NRDE2: variants seen among roughly 807,000 people sequenced by gnomAD.
NRDE2 encodes nuclear exosome regulator NRDE2.
NRDE2 carries 76 observed loss-of-function variants against 124.2 expected under a neutral mutation model. The observed-to-expected ratio is 0.61, with a 90% CI of 0.51 to 0.74. The LOEUF (loss-of-function observed/expected upper bound fraction) is 0.74, where lower values mean the gene tolerates loss of function less well. Ranked by LOEUF, NRDE2 falls within the 30% of genes least tolerant of loss-of-function variation. The pLI is 0.00. For synonymous variants in NRDE2, 489 were observed against 528.1 expected (o/e 0.93, Z 1.01); for missense variants, 1,314 against 1,417.3 (o/e 0.93, Z 1.17).
intron 8 of NRDE2, among the ~76,000 whole-genome samples, chr14:90,297,940 CAAAAA>C (rs58242184): frequency 4.1e-5 from 4 of 96,544 alleles, no homozygotes; most frequent in Admixed American, 1.0e-4. Flanking sequence ...GATTCTGTCT[CAAAAA>C]AAAAAAAAAA....
At chr14:90,287,123 A>G (rs1036058397) in intron 11 of NRDE2, among the ~76,000 whole-genome samples, 1 of 151,854 alleles carries the variant, frequency 6.6e-6, no homozygotes, top group Non-Finnish European at 1.5e-5. Context: ...GGAAGAAAAG[A>G]CCTTTTGATT....
At chr14:90,279,026 C>T (rs186024035) in intron 13 of NRDE2, 36 bp downstream of exon 13, 72 of 1,511,930 alleles carry the variant, frequency 4.8e-5, no homozygotes, top group Middle Eastern at 1.7e-4. Context: ...GGGAAGTTTT[C>T]GGGAAGCTGA....
chr14:90,313,801 G>T (rs994710580), intron 3 of NRDE2, among the ~76,000 whole-genome samples: 26 of 152,188 alleles, frequency 1.7e-4, no homozygotes, highest in African/African-American at 6.3e-4. Flanking sequence ...TCTTGGCAGG[G>T]AATATAAGGG....
intron 11 of NRDE2, among the ~76,000 whole-genome samples, chr14:90,287,033 C>CAAAAAAAAAAA (rs60863011): frequency 7.1e-4 from 17 of 23,808 alleles, no homozygotes; most frequent in Admixed American, 2.5e-3. Context: ...GACTCCGTCT[C>CAAAAAAAAAAA]AAAAAAAAAA....
chr14:90,297,444 G>A (rs866145512), intron 8 of NRDE2, among the ~76,000 whole-genome samples: 1 of 151,936 alleles, frequency 6.6e-6, no homozygotes, highest in African/African-American at 2.4e-5. Context: ...TTACACAAGA[G>A]GCTCACATTA....
rs1210169031 is a variant in NRDE2 at position 90,269,220 on chromosome 14, C to G, written c.*9116G>C. On this transcript the variant is annotated 3_prime_UTR_variant, in exon 14 of 14. Transcript: ENST00000354366. ...ACACATAAATTTGGGGAAATACATTCAGACCATGGCAAGGGGTGCTGAATT... is the reference window on the plus strand; with the variant it reads ...ACACATAAATTTGGGGAAATACATTGAGACCATGGCAAGGGGTGCTGAATT... 1.7e-6 allele frequency: 1 copy of G among 602,930 alleles called. No homozygotes were observed. Among genetic ancestry groups the G allele is most frequent in the Non-Finnish European group, 2.9e-6 (1 of 348,300 alleles). The allele number at this position is 602,930 out of a possible 1,614,324, so 37.3% of individuals were successfully genotyped here.
Position 90,304,239 on chromosome 14 carries a change from A to G in NRDE2, c.701T>C (p.Ile234Thr). Residue 234 changes from isoleucine to threonine, a missense_variant, in exon 5 of 14, where the codon ATC becomes ACC. Coordinates refer to ENST00000354366, the MANE Select transcript of NRDE2 (RefSeq NM_017970.4). Reference sequence around the variant, plus strand: ...TTTACTGCTAATGGCAACTCCATCGATGTTCATTAATCCCACACTCTTCTT... The same window carrying G: ...TTTACTGCTAATGGCAACTCCATCGGTGTTCATTAATCCCACACTCTTCTT... Reference protein sequence around the residue: ...FTKKSVGLMNIDGVAISSKTE... With the variant: ...FTKKSVGLMNTDGVAISSKTE... 2 of 1,614,156 alleles carry G rather than the reference A, an allele frequency of 1.2e-6. No individual in the cohort carries two copies. Among genetic ancestry groups the G allele is most frequent in the Non-Finnish European group, 1.7e-6 (2 of 1,180,028 alleles).
In NRDE2 at chr14:90,331,933, T is replaced by C. The variant is rs774801544; in HGVS notation, c.-29A>G. On this transcript the variant is annotated 5_prime_UTR_variant, in exon 1 of 14. It adds an upstream start codon to the 5' untranslated region. Coordinates refer to ENST00000354366, the MANE Select transcript of NRDE2 (RefSeq NM_017970.4). ...CACAGGCCGTACCTCCGTTCTTCTC[T>C]ATAGGGATGGCGCCGGCGAGCGAGC... The C allele has an allele frequency of 5.6e-6, 9 of 1,613,392 alleles. No homozygotes were observed. The East Asian group carries it at 1.6e-4, about 28-fold the overall frequency.
At chr14:90,330,911 C>T (rs1200550657) in intron 1 of NRDE2, among the ~76,000 whole-genome samples, 1 of 151,580 alleles carries the variant, frequency 6.6e-6, no homozygotes, top group Admixed American at 6.6e-5. Context: ...TCACATATGG[C>T]ACATAATTTA....
intron 12 of NRDE2, among the ~76,000 whole-genome samples, chr14:90,285,341 G>A (rs1468153216): frequency 1.5e-5 from 2 of 130,922 alleles, no homozygotes; most frequent in South Asian, 2.5e-4. Context: ...TCACTCTGTC[G>A]TTCAGGCTGG....
chr14:90,293,960 T>C (rs75047278), intron 8 of NRDE2, among the ~76,000 whole-genome samples: 1 of 152,096 alleles, frequency 6.6e-6, no homozygotes, highest in South Asian at 2.1e-4. Flanking sequence ...CCCAGATAAA[T>C]GAAAACCTAC....
At chr14:90,298,061 T>G (rs1595063584) in intron 8 of NRDE2, among the ~76,000 whole-genome samples, 199 bp downstream of exon 8, 1 of 152,170 alleles carries the variant, frequency 6.6e-6, no homozygotes, top group Non-Finnish European at 1.5e-5. Flanking sequence ...CAAAGCATTA[T>G]GTACTGAAGG....
rs1491397403 is a variant in NRDE2, at chr14:90,274,838, A to ACACACACACCCC, written c.*3497_*3498insGGGGTGTGTGTG. ...CACACACACACACACACACACACACACCCCAATACATATGAATTGATCTGA... is the reference window on the plus strand; with the variant it reads ...CACACACACACACACACACACACACACACACACACCCCCCCCAATACATATGAATTGATCTGA... On this transcript the variant is annotated 3_prime_UTR_variant, in exon 14 of 14. Coordinates refer to ENST00000354366, the MANE Select transcript of NRDE2 (RefSeq NM_017970.4). 3.0e-4 allele frequency: 20 copies of ACACACACACCCC among 67,218 alleles called. No individual in the cohort carries two copies. The highest frequency in any genetic ancestry group is 1.7e-3 in the East Asian group (5 of 2,958). 4.2% of individuals were successfully genotyped at this position (67,218 alleles called of 1,614,324 possible).
At chr14:90,330,985 G>A (rs932857568) in intron 1 of NRDE2, among the ~76,000 whole-genome samples, 5 of 151,554 alleles carry the variant, frequency 3.3e-5, no homozygotes, top group African/African-American at 9.7e-5. Flanking sequence ...AGGATGCAGC[G>A]GCACGATCAT....
intron 1 of NRDE2, among the ~76,000 whole-genome samples, chr14:90,326,854 G>A (rs1163776697): frequency 1.3e-5 from 2 of 152,084 alleles, no homozygotes; most frequent in Admixed American, 1.3e-4. Flanking sequence ...TATCCACTGT[G>A]GGCCATGTCC....
intron 4 of NRDE2, among the ~76,000 whole-genome samples, chr14:90,309,024 T>C (rs1377915082): frequency 2.0e-5 from 3 of 151,894 alleles, no homozygotes; most frequent in Non-Finnish European, 2.9e-5. Context: ...GGGCGGATCA[T>C]GAGGTCAGGA....
chr14:90,315,262 T>C (rs925195383), intron 3 of NRDE2, among the ~76,000 whole-genome samples: 1 of 149,364 alleles, frequency 6.7e-6, no homozygotes, highest in Non-Finnish European at 1.5e-5. Flanking sequence ...TCCCAGCTAC[T>C]TGGGAGGCTG....
rs1885114211 is a variant in NRDE2, at chr14:90,318,125, A to G, written c.65-12T>C. The G allele has an allele frequency of 2.5e-6, 4 of 1,586,596 alleles. No homozygotes were observed. Among genetic ancestry groups the G allele is most frequent in the Admixed American group, 1.7e-5 (1 of 58,044 alleles). On this transcript the variant is annotated splice_polypyrimidine_tract_variant and intron_variant, in intron 1 of 13. Coordinates refer to ENST00000354366, the MANE Select transcript of NRDE2 (RefSeq NM_017970.4). ...CAGCCAGTCTAACTCTGCACAGGCA[A>G]AAGGAGAAAAGATCAATGAAATTAG... is the stretch of plus-strand genomic sequence containing the variant.
Position 90,270,241 on chromosome 14 carries a change from G to A in NRDE2, c.*8095C>T. ...TTGAGTTCCCCCTGCCTGATGAAAA[G>A]ACGAAGAAGCGCATCTTTCAGATTC... On this transcript the variant is annotated 3_prime_UTR_variant, in exon 14 of 14. Coordinates refer to ENST00000354366, the MANE Select transcript of NRDE2 (RefSeq NM_017970.4). 2 of 1,613,696 alleles carry A rather than the reference G, an allele frequency of 1.2e-6. No homozygotes were observed. The highest frequency in any genetic ancestry group is 2.2e-5 in the East Asian group (1 of 44,828).
Sources: gnomAD v4.1 joint callset for allele counts (sites outside exome capture counted in the v4.1 genomes callset) on GRCh38, gnomAD v4.1.1 for gene constraint, MANE v1.5 for transcripts, NCBI Gene and HGNC (gene_info 2026-07-23, HGNC 2026-07-21) for gene names.